The following MUC17 variants were observed in gnomAD, a reference collection of about 807,000 sequenced individuals.
MUC17 encodes the protein mucin 17, cell surface associated.
In MUC17, 190 loss-of-function variants were observed where a neutral mutation model predicts 170.3. The ratio of observed to expected loss-of-function variants is 1.12; its 90% CI spans 0.99 to 1.26. The LOEUF (loss-of-function observed/expected upper bound fraction) is 1.26. Among genes scored for constraint, MUC17 ranks in the 50% most tolerant of loss-of-function variants. MUC17 has a pLI of 0.00. For missense variants in MUC17, 6,415 were observed against 5,530.0 expected (o/e 1.16, Z -5.08); for synonymous variants, 2,325 against 2,002.5 (o/e 1.16, Z -4.30).
chr7:101,037,870 C>T lies in MUC17; in HGVS notation c.6454C>T (p.Gln2152Ter). 1 of 1,610,822 alleles carries T rather than the reference C, an allele frequency of 6.2e-7. No individual in the cohort carries two copies. Among genetic ancestry groups the T allele is most frequent in the Non-Finnish European group, 8.5e-7 (1 of 1,178,188 alleles). ...TATACCTACTGAAGGTACCAGCATG[C>T]AAACCTCAACTTATAGTGACAGAAG... ...SPIPTEGTSM[Q>*]TSTYSDRRTP... The change falls in exon 3 of 13, where the codon CAA (glutamine) becomes TAA (stop). Residue 2152 changes from glutamine to a stop codon, truncating the protein, a stop_gained. Transcript: ENST00000306151. LOFTEE classifies it high-confidence loss of function.
rs1191537870 is a variant in MUC17, at chr7:101,040,655, C to A, written c.9239C>A (p.Ser3080Tyr). 1.9e-6 allele frequency: 3 copies of A among 1,612,938 alleles called. No homozygotes were observed. In the South Asian group the frequency reaches 3.3e-5, roughly 18 times the overall value. ...GACTCCAACAGTCCTGTGGTCACTTCTACTGAAGTCAGTTCATCTCCTACA... is the reference window on the plus strand; with the variant it reads ...GACTCCAACAGTCCTGTGGTCACTTATACTGAAGTCAGTTCATCTCCTACA... Reference protein sequence around the residue: ...PVDSNSPVVTSTEVSSSPTPA... With the variant: ...PVDSNSPVVTYTEVSSSPTPA... Residue 3080 changes from serine to tyrosine, a missense_variant, in exon 3 of 13, where the codon TCT (serine) becomes TAT (tyrosine). Physicochemically the swap from Ser to Tyr is moderately radical, Grantham distance 144. Coordinates refer to ENST00000306151, the MANE Select transcript of MUC17 (RefSeq NM_001040105.2).
In MUC17 at chr7:101,032,259, T is replaced by A; in HGVS notation, c.843T>A (p.Pro281=). The A allele has an allele frequency of 6.2e-7, 1 of 1,613,952 alleles. No individual in the cohort carries two copies. Among genetic ancestry groups the A allele is most frequent in the Non-Finnish European group, 8.5e-7 (1 of 1,179,892 alleles). Residue 281 remains proline (P), a synonymous_variant, in exon 3 of 13, where the codon CCT becomes CCA. Coordinates refer to ENST00000306151, the MANE Select transcript of MUC17 (RefSeq NM_001040105.2). ...GAAGCACTCCATTAACAAGAATGCC[T>A]CTCAGCGTGATGCTGGTGGTCAGTT... ...SGGSTPLTRM[P]LSVMLVVSSE... is the part of the protein sequence containing the mutation.
In MUC17 at chr7:101,032,829, C is replaced by G. The variant is rs150144892; in HGVS notation, c.1413C>G (p.Asn471Lys). ...CAGTGGCCAGTTCTGAGGCTAGCAA[C>G]CTTTCAACAACTCCTGTTGACTCCA... Reference protein sequence around the residue: ...TTPVASSEASNLSTTPVDSKT... With the variant: ...TTPVASSEASKLSTTPVDSKT... The change falls in exon 3 of 13, where the codon AAC becomes AAG. Residue 471 changes from asparagine to lysine, a missense_variant. Coordinates refer to ENST00000306151, the MANE Select transcript of MUC17 (RefSeq NM_001040105.2). 15 of 1,613,658 alleles carry G rather than the reference C, an allele frequency of 9.3e-6. No individual in the cohort carries two copies. Among genetic ancestry groups the G allele is most frequent in the Non-Finnish European group, 1.1e-5 (13 of 1,179,912 alleles).
chr7:101,035,982 C>G lies in MUC17; in HGVS notation c.4566C>G (p.Ser1522Arg). ...GSTALTSIPV[S>R]TTTVASSEIN... ...CTGCATTAACAAGTATACCTGTCAG[C>G]ACCACAACAGTGGCCAGTTCTGAAA... The change falls in exon 3 of 13, where the codon AGC becomes AGG. Residue 1522 changes from serine to arginine, a missense_variant. Transcript: ENST00000306151. The G allele has an allele frequency of 6.2e-7, 1 of 1,611,892 alleles. No individual in the cohort carries two copies. The highest frequency in any genetic ancestry group is 1.1e-5 in the South Asian group (1 of 90,828).
In MUC17 at chr7:101,049,401, G is replaced by A. The variant is rs1223136326; in HGVS notation, c.12722+19G>A. On this transcript the variant is annotated intron_variant, in intron 6 of 12. Transcript: ENST00000306151. ...AGCTACGGTAAGTGTCTGGGCCCTTGGGAAGAGGGTCTGTGGCGTGGAAGC... is the reference window on the plus strand; with the variant it reads ...AGCTACGGTAAGTGTCTGGGCCCTTAGGAAGAGGGTCTGTGGCGTGGAAGC... The A allele has an allele frequency of 3.7e-6, 6 of 1,605,430 alleles. No individual in the cohort carries two copies. The highest frequency in any genetic ancestry group is 5.1e-6 in the Non-Finnish European group (6 of 1,175,728).
Position 101,035,114 on chromosome 7 carries a change from G to A in MUC17, c.3698G>A (p.Ser1233Asn), listed in dbSNP as rs767413704. Residue 1233 changes from serine (S) to asparagine (N), a missense_variant, in exon 3 of 13, where the codon AGT (serine) becomes AAT (asparagine). Physicochemically the swap from Ser to Asn is conservative, Grantham distance 46. Coordinates refer to ENST00000306151, the MANE Select transcript of MUC17 (RefSeq NM_001040105.2). Reference sequence around the variant, plus strand: ...CCTGTCAGACACACGCCAGTGGCCAGTTCTGAGGCTAGCACCCTTTCAACA... The same window carrying A: ...CCTGTCAGACACACGCCAGTGGCCAATTCTGAGGCTAGCACCCTTTCAACA... ...SMPVRHTPVA[S>N]SEASTLSTSP... 1.9e-6 allele frequency: 3 copies of A among 1,612,068 alleles called. No individual in the cohort carries two copies. Among genetic ancestry groups the A allele is most frequent in the South Asian group, 2.2e-5 (2 of 90,756 alleles).
At chr7:101,049,967 C>CA (rs369358620) in intron 6 of MUC17, among the ~76,000 whole-genome samples, 2 of 152,070 alleles carry the variant, frequency 1.3e-5, no homozygotes, top group Non-Finnish European at 2.9e-5. Context: ...CTTGTCTCTA[C>CA]AAAAAATACA....
At chr7:101,052,314 G>C (rs111850213) in intron 9 of MUC17, among the ~76,000 whole-genome samples, 1,944 of 152,220 alleles carry the variant, frequency 0.013, 36 homozygotes, top group African/African-American at 0.043. Context: ...GAAACAGAAG[G>C]TTACACACCC....
Position 101,032,699 on chromosome 7 carries a change from G to A in MUC17, c.1283G>A (p.Ser428Asn), listed in dbSNP as rs760312809. The A allele has an allele frequency of 6.4e-7, 1 of 1,562,704 alleles. No homozygotes were observed. Among genetic ancestry groups the A allele is most frequent in the Admixed American group, 1.8e-5 (1 of 56,398 alleles). The change falls in exon 3 of 13, where the codon AGT becomes AAT. Residue 428 changes from serine to asparagine, a missense_variant. Physicochemically the swap from Ser to Asn is conservative, Grantham distance 46 (BLOSUM62 1). Transcript: ENST00000306151. Reference protein sequence around the residue: ...VDSKTFVTTASEASSSPTTAE... With the variant: ...VDSKTFVTTANEASSSPTTAE... ...TCCAAAACTTTTGTGACCACTGCTA[G>A]TGAAGCCAGCTCATCTCCCACAACT...
At chr7:101,020,818 G>C (rs1794063350) in intron 1 of MUC17, among the ~76,000 whole-genome samples, 1 of 152,160 alleles carries the variant, frequency 6.6e-6, no homozygotes, top group South Asian at 2.1e-4. Context: ...GACCTCTGAG[G>C]ATCATTCCAG....
intron 1 of MUC17, among the ~76,000 whole-genome samples, chr7:101,024,109 A>C (rs552119959): frequency 3.0e-4 from 45 of 151,742 alleles, no homozygotes; most frequent in Middle Eastern, 6.8e-3. Context: ...TTTTTAAAAG[A>C]GAAATTGCTG....
intron 9 of MUC17, 74 bp from the exon 10 acceptor site, chr7:101,052,912 G>A: frequency 6.5e-7 from 1 of 1,535,732 alleles, no homozygotes. Context: ...AACACCCACT[G>A]GGCAGGGCCC....
In MUC17 at chr7:101,053,766, G is replaced by A. The variant is rs371066545; in HGVS notation, c.13363+330G>A. 2.9e-4 allele frequency among the ~76,000 whole-genome samples: 44 copies of A among 151,532 alleles called. 1 individual carries two copies. The East Asian group carries it at 4.9e-3, about 17-fold the overall frequency. Reference sequence around the variant, plus strand: ...ATGGTGGCAGGTGCCTGTAATCCCAGCTACTCGGGAGGCTGAGGCAGGAGA... The same window carrying A: ...ATGGTGGCAGGTGCCTGTAATCCCAACTACTCGGGAGGCTGAGGCAGGAGA... On this transcript the variant is annotated intron_variant, in intron 11 of 12. Transcript: ENST00000306151.
intron 1 of MUC17, among the ~76,000 whole-genome samples, chr7:101,021,261 C>T (rs2116382426): frequency 6.8e-6 from 1 of 146,698 alleles, no homozygotes; most frequent in South Asian, 2.2e-4. Flanking sequence ...TGTCAGCCCA[C>T]TGCAACCTCT....
In MUC17 at chr7:101,039,886, A is replaced by T; in HGVS notation, c.8470A>T (p.Ser2824Cys). Residue 2824 changes from serine (S) to cysteine (C), a missense_variant, in exon 3 of 13, where the codon AGT (serine) becomes TGT (cysteine). By Grantham distance (112) the Ser-to-Cys change is moderately radical. Transcript: ENST00000306151. ...SMPVNHTPVA[S>C]SEAGTLSTTP... ...GCCTGTCAACCACACGCCAGTGGCC[A>T]GTTCTGAGGCTGGCACCCTTTCAAC... 6.2e-7 allele frequency: 1 copy of T among 1,612,648 alleles called. No homozygotes were observed. Among genetic ancestry groups the T allele is most frequent in the Non-Finnish European group, 8.5e-7 (1 of 1,179,600 alleles).
chr7:101,049,049 G>A, intron 5 of MUC17, 77 bp downstream of exon 5: 1 of 1,600,478 alleles, frequency 6.2e-7, no homozygotes, highest in Non-Finnish European at 8.5e-7. Context: ...AAGGTAGCTG[G>A]GGGCTGTTCC....
chr7:101,027,972 C>G (rs1349637320), intron 1 of MUC17, among the ~76,000 whole-genome samples: 2 of 151,610 alleles, frequency 1.3e-5, no homozygotes, highest in Non-Finnish European at 2.9e-5. Flanking sequence ...GAGGTTTCAT[C>G]ATGTTGCCCA....
rs200376693 is a variant in MUC17 at position 101,033,434 on chromosome 7, C to A, written c.2018C>A (p.Ala673Glu). ...GAAGCCACTTCATCTTCTACAACTGCGGAAGGTACCAGCATGCCAACCTCA... is the reference window on the plus strand; with the variant it reads ...GAAGCCACTTCATCTTCTACAACTGAGGAAGGTACCAGCATGCCAACCTCA... ...STEATSSSTT[A>E]EGTSMPTSTY... is the part of the protein sequence containing the mutation. The change falls in exon 3 of 13, where the codon GCG becomes GAG. Residue 673 changes from alanine (A) to glutamate (E), a missense_variant. Coordinates refer to ENST00000306151, the MANE Select transcript of MUC17 (RefSeq NM_001040105.2). The A allele has an allele frequency of 1.2e-6, 2 of 1,613,436 alleles. No individual in the cohort carries two copies. Among genetic ancestry groups the A allele is most frequent in the African/African-American group, 2.7e-5 (2 of 74,876 alleles).
Position 101,042,401 on chromosome 7 carries a change from C to A in MUC17, c.10985C>A (p.Thr3662Asn). ...AGTASTLPVDTSTPVITSTQV... is the reference protein window; with the variant it reads ...AGTASTLPVDNSTPVITSTQV... Reference sequence around the variant, plus strand: ...ACAGCTTCAACACTTCCTGTTGACACCAGCACACCTGTGATCACTTCTACC... The same window carrying A: ...ACAGCTTCAACACTTCCTGTTGACAACAGCACACCTGTGATCACTTCTACC... Residue 3662 changes from threonine (T) to asparagine (N), a missense_variant, in exon 3 of 13, where the codon ACC (threonine) becomes AAC (asparagine). Coordinates refer to ENST00000306151, the MANE Select transcript of MUC17 (RefSeq NM_001040105.2). 5.0e-6 allele frequency: 8 copies of A among 1,614,058 alleles called. No individual in the cohort carries two copies. Among genetic ancestry groups the A allele is most frequent in the Non-Finnish European group, 6.8e-6 (8 of 1,179,952 alleles).
Sources: gnomAD v4.1 joint callset for allele counts (sites outside exome capture counted in the v4.1 genomes callset) on GRCh38, gnomAD v4.1.1 for gene constraint, MANE v1.5 for transcripts, NCBI Gene and HGNC (gene_info 2026-07-23, HGNC 2026-07-21) for gene names.